GALNS: variants seen among roughly 807,000 people sequenced by gnomAD.
GALNS encodes the protein N-acetylgalactosamine-6-sulfatase.
Under a neutral mutation model 65.9 loss-of-function variants are expected in GALNS, and 65 were observed. That is an observed-to-expected ratio of 0.99 (90% CI 0.81 to 1.21). The LOEUF (loss-of-function observed/expected upper bound fraction) is 1.21. Ranked by LOEUF, GALNS falls within the 50% of genes most tolerant of loss-of-function variation. The pLI is 0.00. For synonymous variants in GALNS, 346 were observed against 288.9 expected, an observed-to-expected ratio of 1.20 and a Z score of -2.00; for missense variants, 776 against 700.7, an observed-to-expected ratio of 1.11 and a Z score of -1.21.
At chr16:88,817,741 A>C (rs1031547206) in intron 13 of GALNS, among the ~76,000 whole-genome samples, 1 of 152,198 alleles carries the variant, frequency 6.6e-6, no homozygotes, top group African/African-American at 2.4e-5. Context: ...CCCCAGTCTC[A>C]GCTCAGCCAG....
At chr16:88,851,010 T>TG (rs1967483891) in intron 1 of GALNS, among the ~76,000 whole-genome samples, 2 of 152,324 alleles carry the variant, frequency 1.3e-5, no homozygotes, top group Admixed American at 1.3e-4. Context: ...GAGGGCAACG[T>TG]CCCACACGTG....
intron 9 of GALNS, among the ~76,000 whole-genome samples, chr16:88,828,548 G>A (rs1034762932): frequency 3.9e-5 from 6 of 152,232 alleles, no homozygotes; most frequent in Non-Finnish European, 5.9e-5. Context: ...CTGGTGCACA[G>A]GCCTGATGCC....
chr16:88,826,895 G>A (rs935832442), intron 9 of GALNS, 57 bp from the exon 10 acceptor site: 3 of 1,548,264 alleles, frequency 1.9e-6, no homozygotes, highest in African/African-American at 1.4e-5. Flanking sequence ...GATGGGGCTG[G>A]GGGCCAATCC....
intron 1 of GALNS, among the ~76,000 whole-genome samples, chr16:88,847,828 G>A (rs77655706): frequency 3.9e-5 from 6 of 152,214 alleles, no homozygotes; most frequent in Non-Finnish European, 5.9e-5. Context: ...CACGCCGCCC[G>A]GCAGCGCCTC....
rs116210154 is a variant in GALNS, at chr16:88,829,839, C to T, written c.1002+2159G>A. Among the ~76,000 whole-genome samples the T allele has an allele frequency of 3.6e-3, 541 of 152,296 alleles. 5 individuals carry two copies. Among genetic ancestry groups the T allele is most frequent in the African/African-American group, 0.012 (486 of 41,556 alleles). On this transcript the variant is annotated intron_variant, in intron 9 of 13. Transcript: ENST00000268695. Reference sequence around the variant, plus strand: ...GCGCGACCAGGCCAGGCAATTGAGGCGGCAGACACAACGCAGGCCGCTCAT... The same window carrying T: ...GCGCGACCAGGCCAGGCAATTGAGGTGGCAGACACAACGCAGGCCGCTCAT...
chr16:88,825,991 G>C lies in GALNS; in HGVS notation c.1139+711C>G, dbSNP rs113253953. On this transcript the variant is annotated intron_variant, in intron 10 of 13. Transcript: ENST00000268695. Reference sequence around the variant, plus strand: ...AGTGGAATGGTGGCTGCTCTCAGGGGGTAGGAAATGGACTTTGGACACTAA... The same window carrying C: ...AGTGGAATGGTGGCTGCTCTCAGGGCGTAGGAAATGGACTTTGGACACTAA... Among the ~76,000 whole-genome samples the C allele has an allele frequency of 5.1e-3, 770 of 152,266 alleles. 5 individuals are homozygous for C. Among genetic ancestry groups the C allele is most frequent in the African/African-American group, 0.017 (720 of 41,548 alleles).
At chr16:88,816,223 C>T in intron 13 of GALNS, 1 of 985,462 alleles carries the variant, frequency 1.0e-6, no homozygotes, top group Non-Finnish European at 1.2e-6. Context: ...CGCCCACCTC[C>T]CCTGCCCTGT....
chr16:88,843,314 C>T (rs1967075034), intron 1 of GALNS: 2 of 802,418 alleles, frequency 2.5e-6, no homozygotes, highest in African/African-American at 1.8e-5. Context: ...CAGTTCCACG[C>T]TGCAACTCCA....
chr16:88,815,337 T>G (rs1455355396), intron 13 of GALNS: 1 of 985,416 alleles, frequency 1.0e-6, no homozygotes, highest in Non-Finnish European at 1.2e-6. Context: ...ACCCTGAGCT[T>G]CTCAACTCAT....
intron 13 of GALNS, chr16:88,815,500 T>A: frequency 2.0e-6 from 2 of 985,504 alleles, no homozygotes; most frequent in Non-Finnish European, 2.4e-6. Flanking sequence ...GCAGCCTTGC[T>A]TAGCGGAAGC....
intron 9 of GALNS, among the ~76,000 whole-genome samples, chr16:88,829,774 G>A (rs1371807921): frequency 6.6e-6 from 1 of 152,128 alleles, no homozygotes; most frequent in Non-Finnish European, 1.5e-5. Flanking sequence ...GGGAAGAGGA[G>A]GATCTGGCAG....
At chr16:88,817,899 G>T (rs1322684609) in intron 13 of GALNS, 108 bp downstream of exon 13, 2 of 961,252 alleles carry the variant, frequency 2.1e-6, no homozygotes, top group East Asian at 5.2e-5. Flanking sequence ...GACGGAGGCG[G>T]GGAAGCACGC....
intron 12 of GALNS, among the ~76,000 whole-genome samples, chr16:88,820,286 A>G (rs1282889418): frequency 2.0e-5 from 3 of 151,506 alleles, no homozygotes; most frequent in African/African-American, 7.3e-5. Flanking sequence ...CGACCAACAC[A>G]TCCAGCTAAT....
intron 9 of GALNS, among the ~76,000 whole-genome samples, chr16:88,831,161 C>T (rs1426459671): frequency 2.0e-5 from 3 of 152,208 alleles, no homozygotes; most frequent in Admixed American, 2.0e-4. Context: ...TGACCAAGCA[C>T]AGCAAGCCCT....
chr16:88,830,179 C>A (rs1488266206), intron 9 of GALNS, among the ~76,000 whole-genome samples: 1 of 143,348 alleles, frequency 7.0e-6, no homozygotes, highest in Admixed American at 7.5e-5. Flanking sequence ...TGCAGTGAGC[C>A]GAGATTGCAC....
In GALNS at chr16:88,830,574, CA is replaced by C. The variant is rs1490990954; in HGVS notation, c.1002+1423del. ...AAAAGACTAAGAAACAGTGAAGAAACAGCGGTCGTTTACAAACACCAGACTC... is the reference window on the plus strand; with the variant it reads ...AAAAGACTAAGAAACAGTGAAGAAACGCGGTCGTTTACAAACACCAGACTC... On this transcript the variant is annotated intron_variant, in intron 9 of 13. Coordinates refer to ENST00000268695, the MANE Select transcript of GALNS (RefSeq NM_000512.5). 8.5e-5 allele frequency among the ~76,000 whole-genome samples: 13 copies of C among 152,362 alleles called. No individual in the cohort carries two copies. The South Asian group carries it at 1.0e-3, about 12-fold the overall frequency.
rs892078297 is a variant in GALNS at position 88,818,810 on chromosome 16, C to T, written c.1365-686G>A. On this transcript the variant is annotated intron_variant, in intron 12 of 13. Coordinates refer to ENST00000268695, the MANE Select transcript of GALNS (RefSeq NM_000512.5). ...CGACAACATCCACATAAAAAGACACCTGCCATCGCTGCCATAGCGGAGATG... is the reference window on the plus strand; with the variant it reads ...CGACAACATCCACATAAAAAGACACTTGCCATCGCTGCCATAGCGGAGATG... 6.6e-5 allele frequency among the ~76,000 whole-genome samples: 10 copies of T among 152,246 alleles called. No homozygotes were observed. In the East Asian group the frequency reaches 1.9e-3, roughly 29 times the overall value.
rs74902213 is a variant in GALNS at position 88,828,416 on chromosome 16, G to A, written c.1003-1578C>T. ...GGCTGTGGGAGAAGTCACTGAAACCGTTATCAGCGCTTTCGAGACTTCACT... is the reference window on the plus strand; with the variant it reads ...GGCTGTGGGAGAAGTCACTGAAACCATTATCAGCGCTTTCGAGACTTCACT... On this transcript the variant is annotated intron_variant, in intron 9 of 13. Coordinates refer to ENST00000268695, the MANE Select transcript of GALNS (RefSeq NM_000512.5). 1.3e-4 allele frequency among the ~76,000 whole-genome samples: 20 copies of A among 152,310 alleles called. No homozygotes were observed. The South Asian group carries it at 2.1e-3, about 16-fold the overall frequency.
chr16:88,822,803 G>T, intron 11 of GALNS, 93 bp from the exon 12 acceptor site: 19 of 1,530,930 alleles, frequency 1.2e-5, no homozygotes, highest in Non-Finnish European at 1.7e-5. Context: ...CCTGACTGCG[G>T]CCGTGAGGGG....
Sources: gnomAD v4.1 joint callset for allele counts (sites outside exome capture counted in the v4.1 genomes callset) on GRCh38, gnomAD v4.1.1 for gene constraint, MANE v1.5 for transcripts, NCBI Gene and HGNC (gene_info 2026-07-23, HGNC 2026-07-21) for gene names.